PAFAH1B2: variants seen among roughly 807,000 people sequenced by gnomAD.
PAFAH1B2 encodes the protein platelet-activating factor acetylhydrolase IB subunit alpha2.
PAFAH1B2 carries 8 observed loss-of-function variants against 28.0 expected under a neutral mutation model. The observed-to-expected ratio is 0.29, with a 90% confidence interval of 0.17 to 0.52. The LOEUF (loss-of-function observed/expected upper bound fraction) is 0.52. PAFAH1B2 is among the 20% of genes least tolerant of loss of function. The pLI is 0.97. For missense variants in PAFAH1B2, 190 were observed against 282.6 expected, an observed-to-expected ratio of 0.67 and a Z score of 2.35; for synonymous variants, 104 against 103.2, an observed-to-expected ratio of 1.01 and a Z score of -0.05.
chr11:117,146,951 G>A (rs770639359), intron 1 of PAFAH1B2, among the ~76,000 whole-genome samples: 2 of 151,510 alleles, frequency 1.3e-5, no homozygotes, highest in Non-Finnish European at 2.9e-5. Flanking sequence ...GGGCATCAGA[G>A]TGAAGCCCTA....
chr11:117,149,587 C>T (rs61091860), intron 1 of PAFAH1B2, among the ~76,000 whole-genome samples: 1 of 151,108 alleles, frequency 6.6e-6, no homozygotes, highest in African/African-American at 2.4e-5. Context: ...CCACCACGCC[C>T]AGCTAATTTT....
chr11:117,164,417 A>AAG (rs398017720), intron 5 of PAFAH1B2, among the ~76,000 whole-genome samples: 1 of 151,588 alleles, frequency 6.6e-6, no homozygotes, highest in African/African-American at 2.4e-5. Context: ...AAAAAAAAAA[A>AAG]GTATGGAAGC....
intron 5 of PAFAH1B2, 106 bp downstream of exon 5, chr11:117,163,998 C>G: frequency 8.4e-7 from 1 of 1,185,800 alleles, no homozygotes; most frequent in Non-Finnish European, 1.2e-6. Flanking sequence ...GAGGTGGAAG[C>G]AGTTTATCAT....
chr11:117,171,614 G>C, downstream of PAFAH1B2: 1 of 1,033,736 alleles, frequency 9.7e-7, no homozygotes, highest in Non-Finnish European at 1.5e-6. Flanking sequence ...TCACCCTTAC[G>C]TCCCCAGGGT....
At chr11:117,163,167 G>C (rs572143542) in intron 4 of PAFAH1B2, among the ~76,000 whole-genome samples, 1 of 128,224 alleles carries the variant, frequency 7.8e-6, no homozygotes, top group East Asian at 2.1e-4. Flanking sequence ...GGCATAAATC[G>C]ATGCATTAAG....
downstream of PAFAH1B2, among the ~76,000 whole-genome samples, chr11:117,177,102 G>T (rs1232203061): frequency 6.6e-6 from 1 of 152,016 alleles, no homozygotes; most frequent in African/African-American, 2.4e-5. Flanking sequence ...CCAGCTACTC[G>T]GGAGACTGAG....
downstream of PAFAH1B2, chr11:117,174,883 G>A (rs1432129532): frequency 1.4e-5 from 21 of 1,515,110 alleles, no homozygotes; most frequent in Non-Finnish European, 1.8e-5. Flanking sequence ...CCAAAGTGCT[G>A]GGATTACAGG....
intron 2 of PAFAH1B2, among the ~76,000 whole-genome samples, chr11:117,153,361 TTTTG>T (rs1956194480): frequency 9.6e-6 from 1 of 104,012 alleles, no homozygotes; most frequent in Non-Finnish European, 2.5e-5. Context: ...TCTGTATCTA[TTTTG>T]TTTTAGTTTT....
In PAFAH1B2 at chr11:117,170,708, C is replaced by T. The variant is rs1385571625; in HGVS notation, c.*3009C>T. 5 of 1,058,182 alleles carry T rather than the reference C, an allele frequency of 4.7e-6. No individual in the cohort carries two copies. In the South Asian group the frequency reaches 1.8e-4, roughly 39 times the overall value. 65.5% of individuals were successfully genotyped at this position (1,058,182 alleles called of 1,614,324 possible). ...CACTGTTTACAATTGTATGCTAAAG[C>T]CTGAAATATTGTCTGTGCTGTGGTG... On this transcript the variant is annotated 3_prime_UTR_variant, in exon 6 of 6. Transcript: ENST00000527958.
At chr11:117,147,333 G>T (rs1299208338) in intron 1 of PAFAH1B2, among the ~76,000 whole-genome samples, 2 of 152,126 alleles carry the variant, frequency 1.3e-5, no homozygotes, top group Admixed American at 6.6e-5. Context: ...CCTGAGGCTG[G>T]AGTGCAGTGG....
intron 5 of PAFAH1B2, chr11:117,164,095 A>G (rs1432310974): frequency 2.0e-5 from 10 of 488,230 alleles, no homozygotes; most frequent in Non-Finnish European, 3.6e-5. Context: ...TCTTTTATCC[A>G]CGCATCCTTG....
chr11:117,162,542 A>G (rs1445858446), intron 4 of PAFAH1B2, among the ~76,000 whole-genome samples: 1 of 149,674 alleles, frequency 6.7e-6, no homozygotes, highest in Non-Finnish European at 1.5e-5. Flanking sequence ...AGGCACGCAG[A>G]TCACTTGAGG....
chr11:117,175,738 G>A (rs1016412607), downstream of PAFAH1B2: 45 of 1,084,942 alleles, frequency 4.1e-5, no homozygotes, highest in East Asian at 4.8e-4. Flanking sequence ...CTGGATGTGC[G>A]TTTAAAACAG....
intron 4 of PAFAH1B2, among the ~76,000 whole-genome samples, chr11:117,162,442 CTG>C (rs1038195515): frequency 1.9e-5 from 2 of 106,250 alleles, no homozygotes; most frequent in Non-Finnish European, 3.9e-5. Flanking sequence ...CCATGCGAGA[CTG>C]TGATTTTTTT....
intron 4 of PAFAH1B2, 55 bp downstream of exon 4, chr11:117,161,316 T>A: frequency 1.5e-5 from 17 of 1,142,226 alleles, no homozygotes; most frequent in Non-Finnish European, 2.0e-5. Context: ...TTTGGATAGT[T>A]AAATTGTCTG....
Position 117,152,539 on chromosome 11 carries a change from G to C in PAFAH1B2, c.81+11G>C. On this transcript the variant is annotated intron_variant, in intron 2 of 5. Coordinates refer to ENST00000527958, the MANE Select transcript of PAFAH1B2 (RefSeq NM_002572.4). ...CGATGGATGTCTCAGGTAAAAGGAA[G>C]TGCATGTGTATCATTCACATGAGTT... 6.4e-7 allele frequency: 1 copy of C among 1,574,584 alleles called. No homozygotes were observed. The highest frequency in any genetic ancestry group is 8.7e-7 in the Non-Finnish European group (1 of 1,143,874).
chr11:117,171,505 C>T, downstream of PAFAH1B2: 1 of 572,390 alleles, frequency 1.7e-6, no homozygotes, highest in South Asian at 2.1e-5. Flanking sequence ...CATTGCACTC[C>T]AGCCTGGGCA....
At chr11:117,157,796 C>G (rs1378840131) in intron 2 of PAFAH1B2, among the ~76,000 whole-genome samples, 1 of 152,154 alleles carries the variant, frequency 6.6e-6, no homozygotes. Flanking sequence ...CCTAGACCTA[C>G]ATTACAGACC....
At chr11:117,171,186 G>A (rs945256733), downstream of PAFAH1B2, 3 of 505,626 alleles carry the variant, frequency 5.9e-6, no homozygotes, top group Non-Finnish European at 7.8e-6. Context: ...GCACCAGGCT[G>A]ACTCATCACT....
Sources: allele counts gnomAD v4.1 joint callset (sites outside exome capture counted in the v4.1 genomes callset), GRCh38; gene constraint gnomAD v4.1.1; transcripts MANE v1.5; gene names NCBI Gene and HGNC (gene_info 2026-07-23, HGNC 2026-07-21).